The following SKIC3 variants were observed in gnomAD, a reference collection of about 807,000 sequenced individuals.
SKIC3 encodes the protein SKI3 subunit of superkiller complex, also known as superkiller complex protein 3.
At chr5:95,546,940 T>C in the SKIC3 span, 2 of 932,424 alleles carry the variant, frequency 2.1e-6, no homozygotes, top group Middle Eastern at 6.4e-4. Flanking sequence ...ATTCTAATGG[T>C]TCTACTAAAT....
chr5:95,523,158 G>A, the SKIC3 span: 41 of 1,611,214 alleles, frequency 2.5e-5, no homozygotes, highest in Non-Finnish European at 2.9e-5. Flanking sequence ...TTAAGGAACC[G>A]TTATGCTTGT....
chr5:95,510,987 T>A, the SKIC3 span, among the ~76,000 whole-genome samples: 1 of 152,234 alleles, frequency 6.6e-6, no homozygotes, highest in Non-Finnish European at 1.5e-5. Flanking sequence ...TTTAACAAAG[T>A]ACACTGTAAC....
chr5:95,492,365 G>A, the SKIC3 span, among the ~76,000 whole-genome samples: 33 of 151,292 alleles, frequency 2.2e-4, no homozygotes, highest in East Asian at 2.3e-3. Flanking sequence ...GGCCGGGCGC[G>A]GTGGCTCACG....
At chr5:95,548,091 A>G in the SKIC3 span, among the ~76,000 whole-genome samples, 1 of 152,106 alleles carries the variant, frequency 6.6e-6, no homozygotes, top group Non-Finnish European at 1.5e-5. Context: ...AGATTACACA[A>G]CTTATTCTGG....
At chr5:95,513,326 C>T in the SKIC3 span, 1 of 447,296 alleles carries the variant, frequency 2.2e-6, no homozygotes, top group Non-Finnish European at 4.1e-6. Flanking sequence ...GCCTCAGCCT[C>T]CTGAGTAGCT....
chr5:95,512,659 T>C, the SKIC3 span: 1 of 1,611,572 alleles, frequency 6.2e-7, no homozygotes, highest in Admixed American at 1.7e-5. Flanking sequence ...GGATAATAAA[T>C]GTGTCAATAA....
At chr5:95,472,702 T>C in the SKIC3 span, among the ~76,000 whole-genome samples, 258 of 152,172 alleles carry the variant, frequency 1.7e-3, 2 homozygotes, top group African/African-American at 6.0e-3. Flanking sequence ...TCCATGGGTA[T>C]ATTGCACCCA....
the SKIC3 span, chr5:95,498,438 T>G: frequency 6.2e-7 from 1 of 1,614,218 alleles, no homozygotes. Context: ...AAATCGCTGA[T>G]GTAAGAAGGC....
At chr5:95,520,931 T>C in the SKIC3 span, 2 of 765,008 alleles carry the variant, frequency 2.6e-6, no homozygotes, top group South Asian at 1.6e-5. Context: ...AAAATAAAAC[T>C]TAACGGTGTG....
chr5:95,510,409 C>T, the SKIC3 span, among the ~76,000 whole-genome samples: 3 of 152,206 alleles, frequency 2.0e-5, no homozygotes, highest in Non-Finnish European at 4.4e-5. Context: ...CCTGCCTTTG[C>T]AGGACTACTG....
At chr5:95,519,075 C>A in the SKIC3 span, among the ~76,000 whole-genome samples, 4 of 150,474 alleles carry the variant, frequency 2.7e-5, no homozygotes, top group African/African-American at 9.7e-5. Flanking sequence ...AACATTAATA[C>A]CCTGAGACCA....
chr5:95,473,664 T>G, the SKIC3 span, among the ~76,000 whole-genome samples: 1 of 152,174 alleles, frequency 6.6e-6, no homozygotes, highest in Admixed American at 6.5e-5. Flanking sequence ...CTCTGATGAT[T>G]AATAGGGATG....
chr5:95,490,150 A>C, the SKIC3 span, among the ~76,000 whole-genome samples: 18 of 152,232 alleles, frequency 1.2e-4, no homozygotes, highest in Admixed American at 9.8e-4. Context: ...AAATCTGATT[A>C]GATTAACAGC....
the SKIC3 span, among the ~76,000 whole-genome samples, chr5:95,499,147 A>G: frequency 2.0e-5 from 3 of 152,164 alleles, no homozygotes; most frequent in South Asian, 6.2e-4. Context: ...ATTACACCTA[A>G]GTGATATGGT....
At chr5:95,482,450 A>G in the SKIC3 span, 6 of 1,612,166 alleles carry the variant, frequency 3.7e-6, no homozygotes, top group East Asian at 1.1e-4. Flanking sequence ...TTGAGGACTC[A>G]AGTAAGAAAG....
At chr5:95,540,768 C>T in the SKIC3 span, 1 of 1,614,070 alleles carries the variant, frequency 6.2e-7, no homozygotes, top group East Asian at 2.2e-5. Flanking sequence ...GTTGATGAAG[C>T]TCTTCATTTT....
At chr5:95,530,103 C>T in the SKIC3 span, 1 of 1,613,288 alleles carries the variant, frequency 6.2e-7, no homozygotes, top group Non-Finnish European at 8.5e-7. Flanking sequence ...TGTTAGGTTC[C>T]TAACAGCATC....
chr5:95,490,949 A>G, the SKIC3 span: 1 of 1,614,154 alleles, frequency 6.2e-7, no homozygotes, highest in Non-Finnish European at 8.5e-7. Context: ...GTATAAATCT[A>G]TCCTCTTTGG....
the SKIC3 span, among the ~76,000 whole-genome samples, chr5:95,529,816 GCTTT>G: frequency 1.4e-5 from 1 of 73,196 alleles, no homozygotes; most frequent in Non-Finnish European, 2.6e-5. Flanking sequence ...TTTTTGCTTT[GCTTT>G]CTTTCTTTTC....
Sources: gnomAD v4.1 joint callset for allele counts (sites outside exome capture counted in the v4.1 genomes callset) on GRCh38, gnomAD v4.1.1 for gene constraint, MANE v1.5 for transcripts, NCBI Gene and HGNC (gene_info 2026-07-23, HGNC 2026-07-21) for gene names.